Variants in CCBE1 observed in about 807,000 individuals in gnomAD.
CCBE1 encodes collagen and calcium binding EGF domains 1.
A neutral mutation model predicts 50.0 loss-of-function variants in CCBE1; 37 were observed. That is an observed-to-expected ratio of 0.74 (90% CI 0.57 to 0.97). The LOEUF is 0.97. Ranked by LOEUF, CCBE1 falls within the 50% of genes least tolerant of loss-of-function variation. The pLI, the probability that CCBE1 is intolerant of heterozygous loss-of-function variation, is 0.00. For missense variants in CCBE1, 538 were observed against 523.8 expected (o/e 1.03, Z -0.26); for synonymous variants, 234 against 203.7 (o/e 1.15, Z -1.27).
intron 2 of CCBE1, among the ~76,000 whole-genome samples, chr18:59,658,620 G>A (rs1308622350): frequency 4.7e-5 from 7 of 149,768 alleles, no homozygotes; most frequent in Admixed American, 2.7e-4. Flanking sequence ...AGTGGCTCAC[G>A]CCTGTAATCC....
intron 6 of CCBE1, among the ~76,000 whole-genome samples, chr18:59,450,377 T>C (rs933447949): frequency 1.3e-5 from 2 of 152,284 alleles, no homozygotes; most frequent in Admixed American, 6.5e-5. Flanking sequence ...GGTATTAATG[T>C]TGTCGTTTTT....
At chr18:59,622,714 T>C (rs2053729267) in intron 2 of CCBE1, among the ~76,000 whole-genome samples, 2 of 149,150 alleles carry the variant, frequency 1.3e-5, no homozygotes, top group Admixed American at 1.3e-4. Context: ...GGCAGGAGAA[T>C]CACTTGAACC....
chr18:59,602,281 G>A (rs371989538), intron 2 of CCBE1, among the ~76,000 whole-genome samples: 71 of 152,114 alleles, frequency 4.7e-4, no homozygotes, highest in African/African-American at 1.7e-3. Flanking sequence ...TCCTGTGACT[G>A]TCTGTCTTAT....
At chr18:59,485,821 G>C (rs1044418532) in intron 2 of CCBE1, among the ~76,000 whole-genome samples, 1 of 151,452 alleles carries the variant, frequency 6.6e-6, no homozygotes, top group African/African-American at 2.4e-5. Flanking sequence ...CGCTGGTCTC[G>C]AACTCCTGAC....
At chr18:59,553,033 A>G (rs1915984609) in intron 2 of CCBE1, among the ~76,000 whole-genome samples, 1 of 152,130 alleles carries the variant, frequency 6.6e-6, no homozygotes, top group Non-Finnish European at 1.5e-5. Context: ...GTGTAAGAGG[A>G]GGAGGATCTC....
intron 2 of CCBE1, among the ~76,000 whole-genome samples, chr18:59,583,652 TGC>T (rs959897022): frequency 1.1e-5 from 1 of 94,208 alleles, no homozygotes. Flanking sequence ...GTCACTGCTT[TGC>T]GTGTGTGTGT....
intron 2 of CCBE1, among the ~76,000 whole-genome samples, chr18:59,622,596 T>C (rs1412332009): frequency 6.6e-6 from 1 of 150,910 alleles, no homozygotes; most frequent in Non-Finnish European, 1.5e-5. Context: ...AGGTCAGGAA[T>C]TCTAGACCAG....
At chr18:59,647,868 G>T (rs985050631) in intron 2 of CCBE1, among the ~76,000 whole-genome samples, 8 of 152,176 alleles carry the variant, frequency 5.3e-5, no homozygotes, top group African/African-American at 1.7e-4. Flanking sequence ...GTGTTCTCAT[G>T]TTGTATGATT....
intron 2 of CCBE1, among the ~76,000 whole-genome samples, chr18:59,566,232 T>C (rs1324515077): frequency 6.6e-6 from 1 of 152,180 alleles, no homozygotes; most frequent in Admixed American, 6.5e-5. Flanking sequence ...TGACACACAA[T>C]GTCTCTTCCA....
chr18:59,554,230 C>T (rs1916029617), intron 2 of CCBE1, among the ~76,000 whole-genome samples: 1 of 152,170 alleles, frequency 6.6e-6, no homozygotes, highest in East Asian at 1.9e-4. Flanking sequence ...CCTCTCACCT[C>T]AGCTTCCCAA....
At chr18:59,556,562 C>A (rs899940879) in intron 2 of CCBE1, among the ~76,000 whole-genome samples, 1 of 152,038 alleles carries the variant, frequency 6.6e-6, no homozygotes, top group African/African-American at 2.4e-5. Flanking sequence ...GCAGAGTCCC[C>A]GCAGCAGGGC....
At chr18:59,452,948 T>A (rs1041468657) in intron 6 of CCBE1, among the ~76,000 whole-genome samples, 1 of 151,894 alleles carries the variant, frequency 6.6e-6, no homozygotes, top group Admixed American at 6.6e-5. Flanking sequence ...TACTGGAGTA[T>A]TAAGATGACC....
intron 2 of CCBE1, among the ~76,000 whole-genome samples, chr18:59,654,303 C>T (rs757618815): frequency 7.9e-5 from 12 of 152,150 alleles, no homozygotes; most frequent in East Asian, 1.9e-4. Context: ...TTTGGGCACA[C>T]GCGTATGTGT....
intron 2 of CCBE1, among the ~76,000 whole-genome samples, chr18:59,535,318 G>A (rs1915206239): frequency 6.6e-6 from 1 of 152,162 alleles, no homozygotes; most frequent in Non-Finnish European, 1.5e-5. Context: ...TTCCTCAGTA[G>A]TAATTATAGA....
intron 3 of CCBE1, among the ~76,000 whole-genome samples, chr18:59,479,430 T>C (rs1426039633): frequency 6.6e-6 from 1 of 152,208 alleles, no homozygotes; most frequent in East Asian, 1.9e-4. Flanking sequence ...ACTGCACATA[T>C]TGCAGTTATT....
intron 2 of CCBE1, among the ~76,000 whole-genome samples, chr18:59,652,103 C>T (rs920318933): frequency 1.3e-5 from 2 of 152,254 alleles, no homozygotes; most frequent in East Asian, 1.9e-4. Context: ...AATGTGAATG[C>T]GAACATGTGA....
chr18:59,503,776 CA>C lies in CCBE1; in HGVS notation c.213-23539del, dbSNP rs543624010. On this transcript the variant is annotated intron_variant, in intron 2 of 10. Transcript: ENST00000439986. ...GTTCAAATTCTTTTGCAAAGTACAACAGGCCCCACTTCACTTCTTCAGGACT... is the reference window on the plus strand; with the variant it reads ...GTTCAAATTCTTTTGCAAAGTACAACGGCCCCACTTCACTTCTTCAGGACT... 5.4e-3 allele frequency among the ~76,000 whole-genome samples: 819 copies of C among 152,286 alleles called. 2 individuals are homozygous for C. The highest frequency in any genetic ancestry group is 9.1e-3 in the Non-Finnish European group (616 of 68,024).
intron 2 of CCBE1, among the ~76,000 whole-genome samples, chr18:59,508,710 G>GATTTT (rs1568177680): frequency 1.0e-5 from 1 of 99,408 alleles, no homozygotes; most frequent in African/African-American, 4.5e-5. Context: ...ATAGAGTTAC[G>GATTTT]CTTTTTTTTT....
intron 2 of CCBE1, among the ~76,000 whole-genome samples, chr18:59,555,386 C>G (rs550315450): frequency 4.6e-5 from 7 of 152,298 alleles, no homozygotes; most frequent in Admixed American, 1.3e-4. Context: ...CTTTTGCTGT[C>G]TCTTCCAGTT....
Sources: gnomAD v4.1 joint callset for allele counts (sites outside exome capture counted in the v4.1 genomes callset) on GRCh38, gnomAD v4.1.1 for gene constraint, MANE v1.5 for transcripts, NCBI Gene and HGNC (gene_info 2026-07-23, HGNC 2026-07-21) for gene names.